CXADR: variants seen among roughly 807,000 people sequenced by gnomAD.
CXADR encodes coxsackievirus and adenovirus receptor.
CXADR carries 20 observed loss-of-function variants against 40.3 expected under a neutral mutation model. The ratio of observed to expected loss-of-function variants is 0.50; its 90% CI spans 0.35 to 0.72. The LOEUF is 0.72. Among genes scored for constraint, CXADR ranks in the 30% least tolerant of loss-of-function variants. The pLI is 0.01. For synonymous variants in CXADR, 150 were observed against 161.3 expected, an observed-to-expected ratio of 0.93 and a Z score of 0.53; for missense variants, 332 against 449.1, an observed-to-expected ratio of 0.74 and a Z score of 2.36.
At chr21:17,622,486 T>A in the CXADR span, among the ~76,000 whole-genome samples, 23 of 152,308 alleles carry the variant, frequency 1.5e-4, no homozygotes, top group African/African-American at 5.3e-4. Flanking sequence ...TACCTATATA[T>A]AATGCATATA....
At position 17,567,444 on chromosome 21, in the gene CXADR, T is replaced by C. The variant is rs1165481918; in HGVS notation, c.*1752T>C. 1.0e-6 allele frequency: 1 copy of C among 985,256 alleles called. No individual in the cohort carries two copies. The highest frequency in any genetic ancestry group is 1.2e-6 in the Non-Finnish European group (1 of 829,856). 61.0% of individuals were successfully genotyped at this position (985,256 alleles called of 1,614,324 possible). A position where few individuals can be genotyped will look rare whatever the true frequency, so the allele number is the denominator to read the frequency against. On this transcript the variant is annotated 3_prime_UTR_variant, in exon 7 of 7. Coordinates refer to ENST00000284878, the MANE Select transcript of CXADR (RefSeq NM_001338.5). ...TAATTTAATTTCTATTATGAATTTC[T>C]GGTGCCTATGAGCTAGCTATCACCT...
At chr21:17,626,349 G>A in the CXADR span, among the ~76,000 whole-genome samples, 1 of 152,140 alleles carries the variant, frequency 6.6e-6, no homozygotes, top group African/African-American at 2.4e-5. Context: ...TCTCAAAATT[G>A]GTTCCTGGAC....
At chr21:17,587,318 A>C (rs1313874232) in intron 7 of CXADR, among the ~76,000 whole-genome samples, 4 of 152,006 alleles carry the variant, frequency 2.6e-5, no homozygotes. Flanking sequence ...CGCCACACTG[A>C]CTTCCACAAT....
chr21:17,526,632 G>A (rs2060601490), intron 1 of CXADR, among the ~76,000 whole-genome samples: 1 of 152,184 alleles, frequency 6.6e-6, no homozygotes, highest in Admixed American at 6.5e-5. Flanking sequence ...TACCAAGATT[G>A]GGGCAATCAG....
chr21:17,536,419 T>C (rs2060758198), intron 1 of CXADR, among the ~76,000 whole-genome samples: 1 of 152,202 alleles, frequency 6.6e-6, no homozygotes, highest in African/African-American at 2.4e-5. Context: ...TTTGCTTCTC[T>C]GGATGCACAG....
At chr21:17,521,099 A>G (rs1427723796) in intron 1 of CXADR, among the ~76,000 whole-genome samples, 1 of 152,030 alleles carries the variant, frequency 6.6e-6, no homozygotes, top group East Asian at 1.9e-4. Flanking sequence ...AGAAGGTGAA[A>G]TGTGAGGCGG....
chr21:17,524,916 A>AT (rs1470818403), intron 1 of CXADR, among the ~76,000 whole-genome samples: 1 of 152,186 alleles, frequency 6.6e-6, no homozygotes, highest in Non-Finnish European at 1.5e-5. Flanking sequence ...GTCCAAAAAA[A>AT]GTTAGCCAAT....
At chr21:17,565,383 T>A (rs1421864929) in intron 6 of CXADR, 45 bp from the exon 7 acceptor site, 2 of 1,589,110 alleles carry the variant, frequency 1.3e-6, no homozygotes, top group Non-Finnish European at 1.7e-6. Flanking sequence ...TGTAGGTTTT[T>A]AGAAACTTAT....
intron 7 of CXADR, among the ~76,000 whole-genome samples, chr21:17,584,311 T>C (rs1273600295): frequency 6.6e-6 from 1 of 152,228 alleles, no homozygotes; most frequent in Non-Finnish European, 1.5e-5. Context: ...GATTTTTAAT[T>C]AAAGACGTAG....
At chr21:17,552,047 A>C (rs1012291911) in intron 3 of CXADR, 94 bp downstream of exon 3, 1 of 883,058 alleles carries the variant, frequency 1.1e-6, no homozygotes, top group Admixed American at 2.6e-5. Flanking sequence ...ATAAAGCTTA[A>C]TTTTTTAGAA....
chr21:17,559,904 C>A (rs2061091001), intron 4 of CXADR, among the ~76,000 whole-genome samples: 1 of 151,618 alleles, frequency 6.6e-6, no homozygotes, highest in South Asian at 2.1e-4. Context: ...GTCTCAAACT[C>A]CTGGGCTCAA....
intron 1 of CXADR, among the ~76,000 whole-genome samples, chr21:17,521,020 C>G (rs915147607): frequency 6.6e-6 from 1 of 152,134 alleles, no homozygotes; most frequent in African/African-American, 2.4e-5. Context: ...GTGATACAGA[C>G]TTGAGAATTC....
the CXADR span, among the ~76,000 whole-genome samples, chr21:17,609,942 A>C: frequency 1.3e-5 from 2 of 152,244 alleles, no homozygotes; most frequent in Non-Finnish European, 2.9e-5. Context: ...TTACCAATTA[A>C]GGAATGGACA....
downstream of CXADR, chr21:17,594,331 A>T (rs762983299): frequency 6.2e-7 from 1 of 1,612,490 alleles, no homozygotes; most frequent in Non-Finnish European, 8.5e-7. Flanking sequence ...AAGTTCTGAA[A>T]TCTGTAGGGA....
At position 17,583,014 on chromosome 21, in the gene CXADR, G is replaced by A. The variant is rs181124666; in HGVS notation, c.1018-10138G>A. Among the ~76,000 whole-genome samples the A allele has an allele frequency of 1.2e-3, 176 of 152,342 alleles. 1 individual carries two copies. Among genetic ancestry groups the A allele is most frequent in the Non-Finnish European group, 1.6e-3 (110 of 68,026 alleles). ...GATTCTGGGAGGAGAGAACGTGATA[G>A]AAAAGATATCAGTGACTGCAATTTG... On this transcript the variant is annotated intron_variant, in intron 7 of 7. Transcript: ENST00000400169.
At chr21:17,627,590 C>A in the CXADR span, among the ~76,000 whole-genome samples, 3 of 152,052 alleles carry the variant, frequency 2.0e-5, no homozygotes, top group Admixed American at 2.0e-4. Flanking sequence ...AGAGTCAAGA[C>A]CATCGGGAAA....
intron 7 of CXADR, among the ~76,000 whole-genome samples, chr21:17,583,039 G>A (rs1389235257): frequency 2.6e-5 from 4 of 152,226 alleles, no homozygotes; most frequent in Non-Finnish European, 4.4e-5. Flanking sequence ...ACTGCAATTT[G>A]CAACCTGTTG....
chr21:17,566,772 C>T lies in CXADR; in HGVS notation c.*1080C>T, dbSNP rs566408375. 3 of 962,434 alleles carry T rather than the reference C, an allele frequency of 3.1e-6. No individual in the cohort carries two copies. The highest frequency in any genetic ancestry group is 3.7e-6 in the Non-Finnish European group (3 of 809,442). 59.6% of individuals were successfully genotyped at this position (962,434 alleles called of 1,614,324 possible). A position where few individuals can be genotyped will look rare whatever the true frequency, so the allele number is the denominator to read the frequency against. ...TGGATGATATTTTTTATCATAAATG[C>T]AGAATAATCAAATACATTTTAAGCA... On this transcript the variant is annotated 3_prime_UTR_variant, in exon 7 of 7. Coordinates refer to ENST00000284878, the MANE Select transcript of CXADR (RefSeq NM_001338.5).
chr21:17,537,287 A>C (rs934104880), intron 1 of CXADR, among the ~76,000 whole-genome samples: 4 of 152,018 alleles, frequency 2.6e-5, no homozygotes, highest in Admixed American at 2.0e-4. Flanking sequence ...AATTTTTTTC[A>C]CTATTTGTAA....
Sources: gnomAD v4.1 joint callset for allele counts (sites outside exome capture counted in the v4.1 genomes callset) on GRCh38, gnomAD v4.1.1 for gene constraint, MANE v1.5 for transcripts, NCBI Gene and HGNC (gene_info 2026-07-23, HGNC 2026-07-21) for gene names.